Variants in TOPAZ1 observed in about 807,000 individuals in gnomAD.
TOPAZ1 encodes testis and ovary specific TOPAZ 1.
Under a neutral mutation model 172.2 loss-of-function variants are expected in TOPAZ1, and 66 were observed. That is an observed-to-expected ratio of 0.38 (90% CI 0.31 to 0.47). The LOEUF is 0.47. Ranked by LOEUF, TOPAZ1 falls within the 20% of genes least tolerant of loss-of-function variation. The probability of loss-of-function intolerance (pLI) is 0.99; values close to 1 mark genes in which losing one functional copy is unlikely to be tolerated. For missense variants in TOPAZ1, 1,822 were observed against 1,972.4 expected (o/e 0.92, Z 1.44); for synonymous variants, 681 against 683.9 (o/e 1.00, Z 0.07).
At chr3:44,269,532 C>G (rs372364068) in intron 7 of TOPAZ1, among the ~76,000 whole-genome samples, 6 of 91,588 alleles carry the variant, frequency 6.6e-5, no homozygotes, top group African/African-American at 2.8e-4. Flanking sequence ...GTCGTCCAGG[C>G]TAGAATACAA....
At chr3:44,333,938 C>T (rs1055122978), downstream of TOPAZ1, among the ~76,000 whole-genome samples, 3 of 152,088 alleles carry the variant, frequency 2.0e-5, no homozygotes, top group African/African-American at 7.2e-5. Context: ...GAGCTTAAAG[C>T]AGGAGCTTAA....
intron 16 of TOPAZ1, among the ~76,000 whole-genome samples, chr3:44,310,419 A>AT (rs1700385776): frequency 6.6e-6 from 1 of 152,204 alleles, no homozygotes; most frequent in East Asian, 1.9e-4. Flanking sequence ...GAATCGCTTG[A>AT]ACCCGGGAGG....
intron 18 of TOPAZ1, among the ~76,000 whole-genome samples, chr3:44,327,775 C>T (rs944920538): frequency 3.3e-4 from 50 of 151,762 alleles, no homozygotes; most frequent in African/African-American, 1.2e-3. Flanking sequence ...GATGGAGTCT[C>T]ACACTGTCGC....
In TOPAZ1 at chr3:44,282,002, T is replaced by C. The variant is rs1474859566; in HGVS notation, c.3407T>C (p.Ile1136Thr). The change falls in exon 9 of 20, where the codon ATC becomes ACC. Residue 1136 changes from isoleucine to threonine, a missense_variant. By Grantham distance (89) the Ile-to-Thr change is moderately conservative. Coordinates refer to ENST00000309765, the MANE Select transcript of TOPAZ1 (RefSeq NM_001145030.2). ...GATGTGTTTAAGAAATATATAAATA[T>C]CAATGAACTGTGTTTGCTACAGCGT... is the stretch of plus-strand genomic sequence containing the variant. ...CMDVFKKYIN[I>T]NELCLLQRAV... 6.5e-7 allele frequency: 1 copy of C among 1,548,040 alleles called. No homozygotes were observed. The highest frequency in any genetic ancestry group is 2.0e-5 in the Admixed American group (1 of 50,660).
At chr3:44,310,963 A>C (rs1005401659) in intron 16 of TOPAZ1, among the ~76,000 whole-genome samples, 8 of 152,226 alleles carry the variant, frequency 5.3e-5, no homozygotes, top group Admixed American at 3.9e-4. Context: ...AATGAAGCTA[A>C]TGATAGCGCT....
At chr3:44,260,233 G>A (rs7645669) in intron 4 of TOPAZ1, among the ~76,000 whole-genome samples, 20,360 of 152,012 alleles carry the variant, frequency 0.13, 1,768 homozygotes, top group African/African-American at 0.23. Context: ...GCATGAAAAC[G>A]GACTAATACA....
chr3:44,255,547 G>A (rs1699688732), intron 3 of TOPAZ1, among the ~76,000 whole-genome samples: 1 of 151,618 alleles, frequency 6.6e-6, no homozygotes, highest in Non-Finnish European at 1.5e-5. Flanking sequence ...AGCTACTTGG[G>A]AGGCTGAGGC....
chr3:44,336,530 C>A (rs1575225139), downstream of TOPAZ1, among the ~76,000 whole-genome samples: 1 of 152,196 alleles, frequency 6.6e-6, no homozygotes, highest in Non-Finnish European at 1.5e-5. Context: ...GGCTTCAAGG[C>A]CCCATCTAGA....
intron 16 of TOPAZ1, among the ~76,000 whole-genome samples, chr3:44,315,131 G>GGATGGATGGATA (rs1383697157): frequency 2.0e-5 from 3 of 151,884 alleles, no homozygotes; most frequent in Admixed American, 6.6e-5. Context: ...ATGGATGGAT[G>GGATGGATGGATA]GATGGATGTT....
chr3:44,291,455 G>A (rs1160108703), intron 12 of TOPAZ1, among the ~76,000 whole-genome samples: 3 of 151,830 alleles, frequency 2.0e-5, no homozygotes, highest in Non-Finnish European at 4.4e-5. Context: ...ACAAAAATTA[G>A]CTGAGCATGG....
At chr3:44,292,020 C>T (rs1700143541) in intron 12 of TOPAZ1, among the ~76,000 whole-genome samples, 1 of 152,164 alleles carries the variant, frequency 6.6e-6, no homozygotes, top group South Asian at 2.1e-4. Context: ...TGACAGGTGT[C>T]AGCCTTAACA....
At chr3:44,328,779 A>G (rs182744797) in intron 19 of TOPAZ1, among the ~76,000 whole-genome samples, 92 of 152,310 alleles carry the variant, frequency 6.0e-4, no homozygotes, top group African/African-American at 1.8e-3. Flanking sequence ...AGTCAACTCA[A>G]AAGATCAAAG....
At chr3:44,291,043 T>C (rs556275081) in intron 12 of TOPAZ1, among the ~76,000 whole-genome samples, 157 bp downstream of exon 12, 293 of 152,296 alleles carry the variant, frequency 1.9e-3, no homozygotes, top group African/African-American at 6.6e-3. Flanking sequence ...TGCCCTACTT[T>C]AGTCAAGCTG....
intron 4 of TOPAZ1, among the ~76,000 whole-genome samples, chr3:44,257,867 C>T (rs1699732510): frequency 6.6e-6 from 1 of 152,128 alleles, no homozygotes; most frequent in Non-Finnish European, 1.5e-5. Flanking sequence ...ACAAAGATAT[C>T]CCTTATGCTA....
intron 5 of TOPAZ1, among the ~76,000 whole-genome samples, chr3:44,263,785 C>A (rs777382945): frequency 1.3e-5 from 2 of 152,070 alleles, no homozygotes; most frequent in African/African-American, 4.8e-5. Flanking sequence ...AAAGTAAATG[C>A]ATTTGTATTT....
chr3:44,290,240 C>G (rs1468552718), intron 11 of TOPAZ1, among the ~76,000 whole-genome samples: 1 of 152,186 alleles, frequency 6.6e-6, no homozygotes, highest in Non-Finnish European at 1.5e-5. Flanking sequence ...CTTGTTGGTT[C>G]TCTTCATTAG....
At chr3:44,265,330 G>A (rs1699818488) in intron 5 of TOPAZ1, among the ~76,000 whole-genome samples, 3 of 152,228 alleles carry the variant, frequency 2.0e-5, no homozygotes, top group Admixed American at 2.0e-4. Flanking sequence ...GGGAGGCCAA[G>A]GTGGGTGGAT....
intron 18 of TOPAZ1, among the ~76,000 whole-genome samples, chr3:44,327,549 C>T (rs1418633956): frequency 6.6e-6 from 1 of 152,140 alleles, no homozygotes; most frequent in Non-Finnish European, 1.5e-5. Context: ...ATGCCTAGTA[C>T]TTAGCACAAT....
intron 2 of TOPAZ1, among the ~76,000 whole-genome samples, chr3:44,245,805 C>G (rs1699558428): frequency 6.6e-6 from 1 of 152,150 alleles, no homozygotes; most frequent in Non-Finnish European, 1.5e-5. Context: ...TCCCAAAGTG[C>G]TGGGATTACA....
Sources: allele counts gnomAD v4.1 joint callset (sites outside exome capture counted in the v4.1 genomes callset), GRCh38; gene constraint gnomAD v4.1.1; transcripts MANE v1.5; gene names NCBI Gene and HGNC (gene_info 2026-07-23, HGNC 2026-07-21).